SMCHD1: variants seen among roughly 807,000 people sequenced by gnomAD.
SMCHD1 encodes the protein structural maintenance of chromosomes flexible hinge domain containing 1.
SMCHD1 carries 78 observed loss-of-function variants against 254.7 expected under a neutral mutation model. The observed-to-expected ratio is 0.31, with a 90% CI of 0.26 to 0.37. The LOEUF is 0.37. SMCHD1 is among the 10% of genes least tolerant of loss of function. The pLI is 1.00. For missense variants in SMCHD1, 1,840 were observed against 2,408.1 expected, an observed-to-expected ratio of 0.76 and a Z score of 4.94; for synonymous variants, 766 against 794.9, an observed-to-expected ratio of 0.96 and a Z score of 0.61.
chr18:2,742,341 G>A (rs1185480193), intron 28 of SMCHD1, among the ~76,000 whole-genome samples: 1 of 152,054 alleles, frequency 6.6e-6, no homozygotes, highest in Admixed American at 6.6e-5. Context: ...TCTACAATTT[G>A]TAAATGCAAT....
Position 2,747,552 on chromosome 18 carries a change from C to A in SMCHD1, c.3832C>A (p.Gln1278Lys). ...SIPVINGRDL[Q>K]NPIIVQLCDQ... Reference sequence around the variant, plus strand: ...TCCAGTGATTAATGGAAGAGATTTACAGAACCCTATTATTGTTCAACTTTG... The same window carrying A: ...TCCAGTGATTAATGGAAGAGATTTAAAGAACCCTATTATTGTTCAACTTTG... The change falls in exon 30 of 48, where the codon CAG (glutamine) becomes AAG (lysine). Residue 1278 changes from glutamine to lysine, a missense_variant. This residue lies in a region of SMCHD1 where 881 missense variants were observed against 1,009.5 expected (regional missense o/e 0.87). Coordinates refer to ENST00000320876, the MANE Select transcript of SMCHD1 (RefSeq NM_015295.3). The A allele has an allele frequency of 6.2e-7, 1 of 1,607,244 alleles. No homozygotes were observed. The highest frequency in any genetic ancestry group is 1.7e-5 in the Admixed American group (1 of 59,784).
chr18:2,791,097 C>T (rs904716385), intron 45 of SMCHD1, among the ~76,000 whole-genome samples: 3 of 152,036 alleles, frequency 2.0e-5, no homozygotes, highest in African/African-American at 7.2e-5. Flanking sequence ...TATAATCTTA[C>T]AGTAAGCAGT....
At chr18:2,743,184 A>G (rs1405276780) in intron 28 of SMCHD1, among the ~76,000 whole-genome samples, 1 of 152,224 alleles carries the variant, frequency 6.6e-6, no homozygotes, top group African/African-American at 2.4e-5. Flanking sequence ...TCTCATTAAT[A>G]TGATGTGTTA....
chr18:2,660,843 G>A (rs750814480), intron 1 of SMCHD1, among the ~76,000 whole-genome samples: 1 of 151,942 alleles, frequency 6.6e-6, no homozygotes, highest in African/African-American at 2.4e-5. Context: ...TTTTGATGTG[G>A]ATTAAAAACC....
At chr18:2,773,277 C>T (rs959446496) in intron 41 of SMCHD1, among the ~76,000 whole-genome samples, 1 of 152,008 alleles carries the variant, frequency 6.6e-6, no homozygotes, top group Non-Finnish European at 1.5e-5. Context: ...AAATATTATT[C>T]CAATTTTTAG....
At position 2,706,492 on chromosome 18, in the gene SMCHD1, A is replaced by G. The variant is rs371336254; in HGVS notation, c.2063+22A>G. ...CAAGGTAAGTCACACTTCAAGATGC[A>G]TGACAAAAATAAGAAAAATTGGAAA... On this transcript the variant is annotated intron_variant, in intron 15 of 47. Coordinates refer to ENST00000320876, the MANE Select transcript of SMCHD1 (RefSeq NM_015295.3). 31 of 1,500,368 alleles carry G rather than the reference A, an allele frequency of 2.1e-5. No homozygotes were observed. The African/African-American group carries it at 3.7e-4, about 18-fold the overall frequency. The allele number at this position is 1,500,368 out of a possible 1,614,324, so 92.9% of individuals were successfully genotyped here.
rs559005440 is a variant in SMCHD1 at position 2,770,080 on chromosome 18, C to T, written c.4938C>T (p.Ala1646=). ...TTATGTATAAAAGTTTATTTGAAGC[C>T]AGCCAACAGCTTCTTAATGAAATGA... ...SIVMYKSLFE[A]SQQLLNEMKC... is the part of the protein sequence containing the mutation. The change falls in exon 39 of 48, where the codon GCC becomes GCT. Residue 1646 remains alanine, a synonymous_variant. Coordinates refer to ENST00000320876, the MANE Select transcript of SMCHD1 (RefSeq NM_015295.3). 1.9e-6 allele frequency: 3 copies of T among 1,597,288 alleles called. No homozygotes were observed. Among genetic ancestry groups the T allele is most frequent in the Middle Eastern group, 1.7e-4 (1 of 6,026 alleles).
intron 45 of SMCHD1, among the ~76,000 whole-genome samples, chr18:2,792,964 T>A (rs1314397097): frequency 6.6e-6 from 1 of 152,212 alleles, no homozygotes; most frequent in Admixed American, 6.5e-5. Context: ...TATCCTCCTC[T>A]TCCTGGGTGG....
Position 2,700,893 on chromosome 18 carries a change from T to G in SMCHD1, c.1622T>G (p.Leu541Arg), listed in dbSNP as rs763702341. Residue 541 changes from leucine (L) to arginine (R), a missense_variant, in exon 12 of 48, where the codon CTT becomes CGT. Physicochemically the swap from Leu to Arg is moderately radical, Grantham distance 102 (BLOSUM62 -2). Transcript: ENST00000320876. The part of the protein sequence containing the change: ...LELKLKDKNT[L>R]FTRILNGQEQ... ...CTAAAATTGAAAGATAAGAACACCC[T>G]TTTTACAAGGATTTTAAATGGACAG... 1 of 1,601,792 alleles carries G rather than the reference T, an allele frequency of 6.2e-7. No individual in the cohort carries two copies. The highest frequency in any genetic ancestry group is 8.5e-7 in the Non-Finnish European group (1 of 1,174,824).
chr18:2,738,672 A>G (rs1399293025), intron 26 of SMCHD1, 127 bp downstream of exon 26: 1 of 853,282 alleles, frequency 1.2e-6, no homozygotes, highest in African/African-American at 1.8e-5. Context: ...TTGTCTTTGG[A>G]ATAAAGTGTC....
rs1277905569 is a variant in SMCHD1, at chr18:2,793,656, C to CAAAAAAAAAAAAAA, written c.5720-2291_5720-2278dup. ...CTCCAGCCTGGGCGAGACTCCGTCTCAAAAAAAAAAAAAAAGAAAGAAAAC... is the reference window on the plus strand; with the variant it reads ...CTCCAGCCTGGGCGAGACTCCGTCTCAAAAAAAAAAAAAAAAAAAAAAAAAAAAAGAAAGAAAAC... On this transcript the variant is annotated intron_variant, in intron 45 of 47. Transcript: ENST00000320876. Among the ~76,000 whole-genome samples the CAAAAAAAAAAAAAA allele has an allele frequency of 7.4e-3, 322 of 43,798 alleles. 14 individuals carry two copies. The highest frequency in any genetic ancestry group is 0.038 in the East Asian group (49 of 1,290). The allele number at this position is 43,798 out of a possible 152,430, so 28.7% of individuals were successfully genotyped here.
Position 2,738,380 on chromosome 18 carries a change from A to C in SMCHD1, c.3277-17A>C, listed in dbSNP as rs1186584853. ...AGACGAAGCTTTATTATTGTTAAAT[A>C]TCTCTTTTTCTCCTAGGTTAATTGG... On this transcript the variant is annotated splice_polypyrimidine_tract_variant and intron_variant, in intron 25 of 47. Transcript: ENST00000320876. 6.4e-7 allele frequency: 1 copy of C among 1,562,364 alleles called. No homozygotes were observed. The highest frequency in any genetic ancestry group is 2.0e-5 in the Admixed American group (1 of 50,432).
At chr18:2,656,321 A>G in intron 1 of SMCHD1, 60 bp downstream of exon 1, 1 of 1,361,048 alleles carries the variant, frequency 7.3e-7, no homozygotes, top group South Asian at 1.8e-5. Flanking sequence ...GGGTGATGAG[A>G]AACTCAACTT....
At chr18:2,728,724 G>T in intron 23 of SMCHD1, 128 bp downstream of exon 23, 1 of 1,002,416 alleles carries the variant, frequency 1.0e-6, no homozygotes, top group Non-Finnish European at 1.4e-6. Flanking sequence ...AAGGATTTGT[G>T]GGATCTTATT....
At chr18:2,689,178 A>G (rs966211372) in intron 7 of SMCHD1, among the ~76,000 whole-genome samples, 3 of 149,676 alleles carry the variant, frequency 2.0e-5, no homozygotes, top group African/African-American at 7.4e-5. Context: ...TATTTATTGT[A>G]TATTCCTTCA....
chr18:2,729,473 T>C (rs1399055710), intron 24 of SMCHD1, 64 bp downstream of exon 24: 1 of 1,211,654 alleles, frequency 8.3e-7, no homozygotes, highest in East Asian at 3.0e-5. Flanking sequence ...CTTCAACTGC[T>C]TAATAACATT....
intron 12 of SMCHD1, chr18:2,701,164 G>GTT (rs60371199): frequency 9.4e-3 from 1,842 of 195,972 alleles, no homozygotes; most frequent in South Asian, 0.021. Context: ...AGTTTTTTTT[G>GTT]TTTTTTTTTT....
intron 8 of SMCHD1, among the ~76,000 whole-genome samples, chr18:2,696,338 C>T (rs910245798): frequency 2.6e-5 from 4 of 152,150 alleles, no homozygotes; most frequent in African/African-American, 7.2e-5. Flanking sequence ...GTGGTGGGCC[C>T]GAGTGAGCAT....
At chr18:2,716,732 T>C (rs1258110327) in intron 17 of SMCHD1, among the ~76,000 whole-genome samples, 1 of 152,190 alleles carries the variant, frequency 6.6e-6, no homozygotes, top group Non-Finnish European at 1.5e-5. Flanking sequence ...CTCCACAACC[T>C]GGCAGGTGAT....
Sources: allele counts gnomAD v4.1 joint callset (sites outside exome capture counted in the v4.1 genomes callset), GRCh38; gene constraint gnomAD v4.1.1; regional missense constraint gnomAD v4.1.1; transcripts MANE v1.5; gene names NCBI Gene and HGNC (gene_info 2026-07-23, HGNC 2026-07-21).